Variants in PDE10A observed in about 807,000 individuals in gnomAD.
The protein encoded by PDE10A is cAMP and cAMP-inhibited cGMP 3',5'-cyclic phosphodiesterase 10A.
In PDE10A, 39 loss-of-function variants were observed where a neutral mutation model predicts 97.7. The ratio of observed to expected loss-of-function variants is 0.40; its 90% CI spans 0.31 to 0.52. The LOEUF (loss-of-function observed/expected upper bound fraction) is 0.52, where lower values mean the gene tolerates loss of function less well. Ranked by LOEUF, PDE10A falls within the 20% of genes least tolerant of loss-of-function variation. The pLI, the probability that PDE10A is intolerant of heterozygous loss-of-function variation, is 0.56. For missense variants in PDE10A, 731 were observed against 1,047.8 expected (o/e 0.70, Z 4.17); for synonymous variants, 371 against 376.8 (o/e 0.98, Z 0.18).
In PDE10A at chr6:165,377,941, T is replaced by C. The variant is rs9457082; in HGVS notation, c.2783+1253A>G. 6.4e-3 allele frequency among the ~76,000 whole-genome samples: 978 copies of C among 152,348 alleles called. 12 individuals are homozygous for C. Among genetic ancestry groups the C allele is most frequent in the African/African-American group, 0.022 (929 of 41,588 alleles). ...CCAGGAAGAGGCCCTGGCAATGTCCTCAGACTGCCATGTGTGAAAATAAGA... is the reference window on the plus strand; with the variant it reads ...CCAGGAAGAGGCCCTGGCAATGTCCCCAGACTGCCATGTGTGAAAATAAGA... On this transcript the variant is annotated intron_variant, in intron 18 of 21. Transcript: ENST00000539869.
At chr6:165,356,921 A>G (rs1583103223) in intron 18 of PDE10A, among the ~76,000 whole-genome samples, 1 of 152,062 alleles carries the variant, frequency 6.6e-6, no homozygotes, top group Non-Finnish European at 1.5e-5. Flanking sequence ...ATTTCTTTCT[A>G]TAATTCACTG....
Position 165,662,033 on chromosome 6 carries a change from G to A in PDE10A, c.779C>T (p.Ala260Val), listed in dbSNP as rs375507636. ...TTCCATGTCGGAGCCGAAGAGCAGC[G>A]CGGCCGCGGCGGCGAGGGCGAAGCT... ...GASFALAAAA[A>V]LLFGSDMEDG... The change falls in exon 1 of 22, where the codon GCG becomes GTG. Residue 260 changes from alanine (A) to valine (V), a missense_variant. By Grantham distance (64) the Ala-to-Val change is moderately conservative. This residue lies in a region of PDE10A where 181 missense variants were observed against 159.1 expected (regional missense o/e 1.14). Coordinates refer to ENST00000539869, the MANE Select transcript of PDE10A (RefSeq NM_001385079.1). 1 of 1,483,394 alleles carries A rather than the reference G, an allele frequency of 6.7e-7. No homozygotes were observed. Among genetic ancestry groups the A allele is most frequent in the South Asian group, 1.3e-5 (1 of 77,900 alleles). The allele number at this position is 1,483,394 out of a possible 1,614,324, so 91.9% of individuals were successfully genotyped here.
At chr6:165,770,463 A>G (rs1777974185) in intron 1 of PDE10A, among the ~76,000 whole-genome samples, 1 of 152,180 alleles carries the variant, frequency 6.6e-6, no homozygotes, top group African/African-American at 2.4e-5. Flanking sequence ...TCCTTCCAGG[A>G]TGTTCCCTAT....
intron 9 of PDE10A, among the ~76,000 whole-genome samples, chr6:165,429,122 C>T (rs1339136068): frequency 1.3e-5 from 2 of 151,986 alleles, no homozygotes; most frequent in Non-Finnish European, 2.9e-5. Flanking sequence ...TAAATTATCA[C>T]TGAAAACTGG....
intron 11 of PDE10A, among the ~76,000 whole-genome samples, chr6:165,416,975 A>G (rs1186089428): frequency 2.0e-5 from 3 of 151,714 alleles, no homozygotes; most frequent in Non-Finnish European, 4.4e-5. Flanking sequence ...TCTCATTACT[A>G]TACCATCATC....
At chr6:165,919,831 A>C (rs998615829) in intron 1 of PDE10A, among the ~76,000 whole-genome samples, 4 of 116,230 alleles carry the variant, frequency 3.4e-5, no homozygotes, top group Non-Finnish European at 7.7e-5. Context: ...ATGAAAGCAA[A>C]TACAAAGCTC....
chr6:165,388,584 A>C lies in PDE10A; in HGVS notation c.2455-131T>G. On this transcript the variant is annotated intron_variant, in intron 16 of 21. Transcript: ENST00000539869. This position sits in a 1 kb window ranked among gnomAD's most constrained non-coding sequence, Gnocchi z 4.0. ...CAAATACAGCATTCTGGCATAAAGA[A>C]TCCTATACAAATAGAGCAAACCCTT... 1 of 774,976 alleles carries C rather than the reference A, an allele frequency of 1.3e-6. No individual in the cohort carries two copies. Among genetic ancestry groups the C allele is most frequent in the Non-Finnish European group, 2.1e-6 (1 of 465,796 alleles). 48.0% of individuals were successfully genotyped at this position (774,976 alleles called of 1,614,324 possible).
chr6:165,587,685 A>G (rs534588956), intron 1 of PDE10A, among the ~76,000 whole-genome samples: 1 of 152,168 alleles, frequency 6.6e-6, no homozygotes, highest in African/African-American at 2.4e-5. Flanking sequence ...TATTTACCTG[A>G]TTGATAGGAT....
At chr6:165,742,319 T>C (rs1298919192) in intron 1 of PDE10A, among the ~76,000 whole-genome samples, 1 of 152,156 alleles carries the variant, frequency 6.6e-6, no homozygotes, top group Non-Finnish European at 1.5e-5. Context: ...GCTCTCGCTG[T>C]TTCCCGTCCT....
intron 13 of PDE10A, among the ~76,000 whole-genome samples, chr6:165,411,086 C>CAAAAAAAAAAA (rs71026688): frequency 4.6e-5 from 2 of 43,080 alleles, no homozygotes; most frequent in African/African-American, 2.3e-4. Context: ...GACTCCGCCT[C>CAAAAAAAAAAA]AAAAAAAAAA....
chr6:165,800,073 C>G (rs998199388), intron 1 of PDE10A, among the ~76,000 whole-genome samples: 1 of 152,210 alleles, frequency 6.6e-6, no homozygotes, highest in African/African-American at 2.4e-5. Context: ...GACAGTGAGA[C>G]CCGTGGCACC....
chr6:165,404,307 T>C (rs974080120), intron 13 of PDE10A, among the ~76,000 whole-genome samples: 3 of 152,058 alleles, frequency 2.0e-5, no homozygotes, highest in Admixed American at 6.6e-5. Flanking sequence ...CTCCCGGATG[T>C]GAAGGGAAGG....
intron 17 of PDE10A, among the ~76,000 whole-genome samples, chr6:165,387,568 G>C (rs993330011): frequency 2.6e-5 from 4 of 152,222 alleles, no homozygotes; most frequent in African/African-American, 9.6e-5. Context: ...GCATTTTGCT[G>C]TGACATCCTA....
At chr6:165,675,801 C>T (rs1285124193) in intron 1 of PDE10A, among the ~76,000 whole-genome samples, 1 of 152,160 alleles carries the variant, frequency 6.6e-6, no homozygotes, top group African/African-American at 2.4e-5. Flanking sequence ...ACTCCTGCTC[C>T]TATGAAACAT....
intron 1 of PDE10A, among the ~76,000 whole-genome samples, chr6:165,968,552 C>G (rs548649133): frequency 6.6e-6 from 1 of 152,258 alleles, no homozygotes; most frequent in South Asian, 2.1e-4. Flanking sequence ...AAAATTTTCA[C>G]CATGTGAGGC....
intron 1 of PDE10A, among the ~76,000 whole-genome samples, chr6:165,930,956 C>T (rs1783114453): frequency 6.6e-6 from 1 of 152,180 alleles, no homozygotes; most frequent in Non-Finnish European, 1.5e-5. Context: ...GCAAGGAGAA[C>T]GAGCCAGCCC....
At chr6:165,854,738 G>A (rs1583193523) in intron 1 of PDE10A, among the ~76,000 whole-genome samples, 1 of 152,324 alleles carries the variant, frequency 6.6e-6, no homozygotes, top group East Asian at 1.9e-4. Context: ...GCCCGGGAGG[G>A]ACGCGGGGTC....
chr6:165,489,973 T>C (rs1401721613), intron 2 of PDE10A, among the ~76,000 whole-genome samples: 1 of 152,178 alleles, frequency 6.6e-6, no homozygotes, highest in Non-Finnish European at 1.5e-5. Flanking sequence ...TAAGAATAAT[T>C]GGTGTTCCTG....
chr6:165,836,746 C>T (rs1314729265), intron 1 of PDE10A, among the ~76,000 whole-genome samples: 1 of 152,108 alleles, frequency 6.6e-6, no homozygotes, highest in Non-Finnish European at 1.5e-5. Flanking sequence ...TAGGAAAACT[C>T]ACCTCCCATG....
Sources: allele counts gnomAD v4.1 joint callset (sites outside exome capture counted in the v4.1 genomes callset), GRCh38; gene constraint gnomAD v4.1.1; regional missense constraint gnomAD v4.1.1; non-coding constraint Gnocchi (gnomAD v3.1); transcripts MANE v1.5; gene names NCBI Gene and HGNC (gene_info 2026-07-23, HGNC 2026-07-21).